Variants in WDR62 observed in about 807,000 individuals in gnomAD.
WDR62 encodes the protein WD repeat domain 62.
Under a neutral mutation model 160.6 loss-of-function variants are expected in WDR62, and 112 were observed. The ratio of observed to expected loss-of-function variants is 0.70; its 90% CI spans 0.60 to 0.82. The LOEUF (loss-of-function observed/expected upper bound fraction) is 0.82, where lower values mean the gene tolerates loss of function less well. Ranked by LOEUF, WDR62 falls within the 40% of genes least tolerant of loss-of-function variation. The probability of loss-of-function intolerance (pLI) is 0.00; values close to 1 mark genes in which losing one functional copy is unlikely to be tolerated. For missense variants in WDR62, 1,819 were observed against 1,983.8 expected (o/e 0.92, Z 1.58); for synonymous variants, 792 against 815.1 (o/e 0.97, Z 0.48).
rs746498364 is a variant in WDR62, at chr19:36,084,767, A to G, written c.1642+23A>G. ...CGGGTGAGCCCGCAGCAGGGGTGGA[A>G]TGGGGGTCAGGCAGGGAGGCAGCCC... On this transcript the variant is annotated intron_variant, in intron 12 of 31. Coordinates refer to ENST00000401500, the MANE Select transcript of WDR62 (RefSeq NM_001083961.2). The G allele has an allele frequency of 1.1e-5, 18 of 1,609,420 alleles. No homozygotes were observed. In the East Asian group the frequency reaches 2.2e-4, roughly 20 times the overall value.
chr19:36,101,107 C>A, intron 23 of WDR62, 107 bp from the exon 24 acceptor site: 1 of 1,220,266 alleles, frequency 8.2e-7, no homozygotes, highest in Non-Finnish European at 1.2e-6. Context: ...TGTCGCAGTG[C>A]TCCTGCAGGA....
At chr19:36,109,766 A>G (rs1973773741), downstream of WDR62, among the ~76,000 whole-genome samples, 2 of 134,240 alleles carry the variant, frequency 1.5e-5, no homozygotes, top group Admixed American at 1.5e-4. Context: ...AAAAAAAATA[A>G]AAACAGGTTG....
At chr19:36,055,774 AC>A (rs1430619470) in intron 1 of WDR62, among the ~76,000 whole-genome samples, 1 of 152,244 alleles carries the variant, frequency 6.6e-6, no homozygotes, top group African/African-American at 2.4e-5. Flanking sequence ...AAATGATTTC[AC>A]AGTAGGTAGA....
At chr19:36,105,850 C>G (rs778755295), downstream of WDR62, among the ~76,000 whole-genome samples, 8 of 151,908 alleles carry the variant, frequency 5.3e-5, no homozygotes, top group Non-Finnish European at 1.2e-4. Context: ...AGGCACCCAC[C>G]ACCATACTCA....
downstream of WDR62, among the ~76,000 whole-genome samples, chr19:36,106,589 G>A (rs1973719234): frequency 6.6e-6 from 1 of 152,142 alleles, no homozygotes; most frequent in African/African-American, 2.4e-5. Context: ...AAGCTTGATA[G>A]AGGACATCTC....
intron 9 of WDR62, among the ~76,000 whole-genome samples, chr19:36,076,574 AAAAAG>A (rs1203655449): frequency 2.0e-5 from 3 of 151,932 alleles, no homozygotes; most frequent in African/African-American, 7.2e-5. Flanking sequence ...AAAAAAAAGA[AAAAAG>A]AGAAAGAGAA....
At position 36,068,155 on chromosome 19, in the gene WDR62, A is replaced by G. The variant is rs557868407; in HGVS notation, c.882+145A>G. 143 of 1,060,834 alleles carry G rather than the reference A, an allele frequency of 1.3e-4. No homozygotes were observed. The African/African-American group carries it at 2.0e-3, about 15-fold the overall frequency. The allele number at this position is 1,060,834 out of a possible 1,614,324, so 65.7% of individuals were successfully genotyped here. A position where few individuals can be genotyped will look rare whatever the true frequency, so the allele number is the denominator to read the frequency against. ...CCACTCTCTGAGCTTAAGGTTCCAC[A>G]TCTGTAAAATGGGAGTACTGCTGCC... On this transcript the variant is annotated intron_variant, in intron 7 of 31. Transcript: ENST00000401500.
At position 36,101,265 on chromosome 19, in the gene WDR62, C is replaced by G. The variant is rs1167684977; in HGVS notation, c.2919C>G (p.Asp973Glu). Residue 973 changes from aspartate to glutamate, a missense_variant, in exon 24 of 32, where the codon GAC becomes GAG. Coordinates refer to ENST00000401500, the MANE Select transcript of WDR62 (RefSeq NM_001083961.2). The stretch of plus-strand genomic sequence containing the variant: ...CCGGGCCTGGAGACCAGCAGGGCGA[C>G]TCCTACCTCAGGGTGTCCTCCGACA... ...VEAGPGDQQG[D>E]SYLRVSSDSP... 3 of 1,613,222 alleles carry G rather than the reference C, an allele frequency of 1.9e-6. No homozygotes were observed. Among genetic ancestry groups the G allele is most frequent in the Middle Eastern group, 3.3e-4 (2 of 6,062 alleles).
intron 3 of WDR62, chr19:36,061,223 G>C (rs1970629084): frequency 6.6e-6 from 1 of 152,166 alleles, no homozygotes; most frequent in South Asian, 2.1e-4. Flanking sequence ...GCTCCTAACT[G>C]TGGGTTCTGT....
chr19:36,066,973 G>A (rs1179717242), intron 5 of WDR62, among the ~76,000 whole-genome samples: 1 of 152,176 alleles, frequency 6.6e-6, no homozygotes, highest in Admixed American at 6.5e-5. Context: ...CAGAGCAGGA[G>A]CCCCATCTGT....
chr19:36,105,129 G>C, downstream of WDR62: 3 of 1,453,386 alleles, frequency 2.1e-6, no homozygotes, highest in South Asian at 1.3e-5. Flanking sequence ...TGTCTGTTTG[G>C]GCCTATCCAC....
chr19:36,082,479 T>G (rs1187997751), intron 10 of WDR62, among the ~76,000 whole-genome samples: 1 of 152,140 alleles, frequency 6.6e-6, no homozygotes, highest in Admixed American at 6.5e-5. Flanking sequence ...TGATTGGAAC[T>G]AAAAAGACCC....
intron 2 of WDR62, among the ~76,000 whole-genome samples, chr19:36,059,276 G>A (rs548327203): frequency 6.6e-6 from 1 of 152,064 alleles, no homozygotes; most frequent in Non-Finnish European, 1.5e-5. Flanking sequence ...TGAAGAAGAT[G>A]CTACAGCTGT....
At position 36,073,334 on chromosome 19, in the gene WDR62, C is replaced by T. The variant is rs747950323; in HGVS notation, c.1044-8C>T. ...GATGGTGATTGATTACCCATGTGGCCTTGTTAGCTTCCTCTTCCACAGGAA... is the reference window on the plus strand; with the variant it reads ...GATGGTGATTGATTACCCATGTGGCTTTGTTAGCTTCCTCTTCCACAGGAA... On this transcript the variant is annotated splice_polypyrimidine_tract_variant and splice_region_variant and intron_variant, in intron 8 of 31. Transcript: ENST00000401500. The T allele has an allele frequency of 6.2e-7, 1 of 1,614,110 alleles. No homozygotes were observed. Among genetic ancestry groups the T allele is most frequent in the Admixed American group, 1.7e-5 (1 of 60,012 alleles).
At chr19:36,105,112 T>A (rs112916239), downstream of WDR62, 614 of 1,510,022 alleles carry the variant, frequency 4.1e-4, 2 homozygotes, top group African/African-American at 7.4e-3. Context: ...TGAGGAATGG[T>A]TCCTGGTGTC....
At chr19:36,102,284 C>T (rs970457660) in intron 26 of WDR62, 133 bp downstream of exon 26, 178 of 1,319,048 alleles carry the variant, frequency 1.3e-4, no homozygotes, top group Middle Eastern at 2.2e-4. Flanking sequence ...TTTTTTGAGA[C>T]GGAGTCTCGC....
intron 9 of WDR62, among the ~76,000 whole-genome samples, chr19:36,081,035 C>G (rs1172379316): frequency 1.3e-5 from 2 of 151,956 alleles, no homozygotes; most frequent in African/African-American, 4.8e-5. Flanking sequence ...TAGCAGTCCT[C>G]CTGCCTCAGC....
rs763280154 is a variant in WDR62, at chr19:36,100,745, TAGTC to T, written c.2740_2743del (p.Ser914ArgfsTer35). ...CAGAATGGCTGTGCTGTCTTCCCCA[TAGTC>T]AGAGAGTCCCCAGGAAGCTGGCCGC... On this transcript the variant is annotated splice_acceptor_variant and coding_sequence_variant, in exon 23 of 32. Transcript: ENST00000401500. LOFTEE classifies it high-confidence loss of function. 5.0e-6 allele frequency: 8 copies of T among 1,613,816 alleles called. No individual in the cohort carries two copies. The highest frequency in any genetic ancestry group is 1.3e-5 in the African/African-American group (1 of 74,912).
intron 2 of WDR62, 141 bp from the exon 3 acceptor site, chr19:36,059,827 C>A: frequency 1.2e-6 from 1 of 841,012 alleles, no homozygotes; most frequent in Non-Finnish European, 2.1e-6. Flanking sequence ...TCAGCGTAAA[C>A]ACCTGGAGGA....
Sources: gnomAD v4.1 joint callset for allele counts (sites outside exome capture counted in the v4.1 genomes callset) on GRCh38, gnomAD v4.1.1 for gene constraint, MANE v1.5 for transcripts, NCBI Gene and HGNC (gene_info 2026-07-23, HGNC 2026-07-21) for gene names.